Variants in CAPRIN2 observed in about 807,000 individuals in gnomAD.
The protein encoded by CAPRIN2 is caprin family member 2.
CAPRIN2 carries 66 observed loss-of-function variants against 130.4 expected under a neutral mutation model. The observed-to-expected ratio is 0.51, with a 90% CI of 0.42 to 0.62. The LOEUF is 0.62. Among genes scored for constraint, CAPRIN2 ranks in the 20% least tolerant of loss-of-function variants. The pLI is 0.00. For missense variants in CAPRIN2, 1,185 were observed against 1,246.6 expected (o/e 0.95, Z 0.74); for synonymous variants, 471 against 444.1 (o/e 1.06, Z -0.76).
At chr12:30,713,641 C>T in intron 15 of CAPRIN2, 144 bp downstream of exon 17, 1 of 492,988 alleles carries the variant, frequency 2.0e-6, no homozygotes, top group East Asian at 2.9e-5. Flanking sequence ...TCCAACTCAA[C>T]TCTTCTCCAT....
exon 1 of CAPRIN2, chr12:30,753,358 T>C: frequency 6.2e-7 from 1 of 1,604,566 alleles, no homozygotes; most frequent in Non-Finnish European, 8.5e-7. Flanking sequence ...TTTTTCTCGA[T>C]GTTTCTAATT....
intron 3 of CAPRIN2, 38 bp from the exon 5 acceptor site, chr12:30,735,244 C>CTTT (rs772725685): frequency 6.8e-7 from 1 of 1,475,534 alleles, no homozygotes; most frequent in Non-Finnish European, 9.5e-7. Flanking sequence ...TAACAATTCT[C>CTTT]TACCATCCCA....
exon 15 of CAPRIN2, chr12:30,713,850 T>C (rs1358875917): frequency 6.2e-7 from 1 of 1,610,406 alleles, no homozygotes. Flanking sequence ...TAATTTCCAT[T>C]GGAAATTGAA....
chr12:30,741,806 C>CATT (rs1205003162), intron 2 of CAPRIN2, among the ~76,000 whole-genome samples: 1 of 152,030 alleles, frequency 6.6e-6, no homozygotes, highest in African/African-American at 2.4e-5. Context: ...TCCAAGGTAT[C>CATT]TACCCAAAAG....
In CAPRIN2 at chr12:30,723,357, A is replaced by G. The variant is rs760208096; in HGVS notation, c.1988-43T>C. 4 of 1,372,844 alleles carry G rather than the reference A, an allele frequency of 2.9e-6. No individual in the cohort carries two copies. In the African/African-American group the frequency reaches 5.8e-5, roughly 20 times the overall value. 85.0% of individuals were successfully genotyped at this position (1,372,844 alleles called of 1,614,324 possible). ...AACAGTAACTACTGAGGGAAGACAA[A>G]AGCTTACGCATATCAACTAGGAGGA... On this transcript the variant is annotated intron_variant, in intron 10 of 16. Coordinates refer to ENST00000298892, the Ensembl canonical transcript of CAPRIN2.
chr12:30,712,147 G>GA (rs1200117859), intron 15 of CAPRIN2, among the ~76,000 whole-genome samples: 13 of 151,768 alleles, frequency 8.6e-5, no homozygotes, highest in African/African-American at 3.1e-4. Context: ...AATATATTAA[G>GA]AAAAAATGTT....
At chr12:30,736,114 C>T (rs1047418749) in intron 3 of CAPRIN2, among the ~76,000 whole-genome samples, 3 of 150,864 alleles carry the variant, frequency 2.0e-5, no homozygotes, top group African/African-American at 7.3e-5. Context: ...ACACTCCAGC[C>T]TGGGCAACAG....
At chr12:30,714,872 G>C in intron 14 of CAPRIN2, 87 bp downstream of exon 16, 1 of 1,065,618 alleles carries the variant, frequency 9.4e-7, no homozygotes, top group South Asian at 1.6e-5. Flanking sequence ...AATGACAAAA[G>C]GGAGCAAGGT....
intron 12 of CAPRIN2, among the ~76,000 whole-genome samples, chr12:30,716,965 C>T (rs2057787718): frequency 1.3e-5 from 2 of 152,190 alleles, no homozygotes; most frequent in African/African-American, 4.8e-5. Context: ...TGCGGAGGAA[C>T]TGGAACCCTC....
At chr12:30,746,300 G>A (rs142450691) in intron 2 of CAPRIN2, among the ~76,000 whole-genome samples, 717 of 152,326 alleles carry the variant, frequency 4.7e-3, no homozygotes, top group Middle Eastern at 0.02. Flanking sequence ...AGGAGGCTAA[G>A]AGGATCACTT....
intron 9 of CAPRIN2, 120 bp downstream of exon 10, chr12:30,725,846 A>G: frequency 1.3e-6 from 1 of 766,688 alleles, no homozygotes; most frequent in Admixed American, 3.5e-5. Flanking sequence ...AGGCTAGGAG[A>G]GCTAGGAGGC....
chr12:30,719,437 AAG>A (rs1267947122), intron 12 of CAPRIN2: 1 of 546,490 alleles, frequency 1.8e-6, no homozygotes, highest in Admixed American at 3.2e-5. Context: ...GACTAAGTGA[AAG>A]AGTCTTACCA....
In CAPRIN2 at chr12:30,736,893, C is replaced by A. The variant is rs139811060; in HGVS notation, c.571-1687G>T. On this transcript the variant is annotated intron_variant, in intron 3 of 16. Coordinates refer to ENST00000298892, the Ensembl canonical transcript of CAPRIN2. ...AACTGATTCACAGGGCATCTTCAGA[C>A]AATTATACCACATGATTATCTCAGA... Among the ~76,000 whole-genome samples the A allele has an allele frequency of 6.9e-3, 1,046 of 152,334 alleles. 13 individuals are homozygous for A. Among genetic ancestry groups the A allele is most frequent in the South Asian group, 0.054 (259 of 4,824 alleles).
chr12:30,728,788 A>C, exon 8 of CAPRIN2: 1 of 1,614,098 alleles, frequency 6.2e-7, no homozygotes, highest in East Asian at 2.2e-5. Context: ...TTGTTTTCCC[A>C]GGATTTTGGA....
At chr12:30,719,039 G>T in intron 12 of CAPRIN2, 40 bp downstream of exon 14, 1 of 1,583,164 alleles carries the variant, frequency 6.3e-7, no homozygotes, top group South Asian at 1.2e-5. Flanking sequence ...CTTTTAACAG[G>T]AATAATGAAC....
intron 2 of CAPRIN2, among the ~76,000 whole-genome samples, chr12:30,747,680 A>C (rs2071369044): frequency 6.6e-6 from 1 of 151,686 alleles, no homozygotes; most frequent in Non-Finnish European, 1.5e-5. Flanking sequence ...ACCGTCTCAA[A>C]AAAAAAAAAA....
rs112232681 is a variant in CAPRIN2 at position 30,716,152 on chromosome 12, A to G, written c.2317+356T>C. The G allele has an allele frequency of 8.0e-3, 1,713 of 214,392 alleles. 25 individuals are homozygous for G. Among genetic ancestry groups the G allele is most frequent in the African/African-American group, 0.039 (1,626 of 42,076 alleles). The allele number at this position is 214,392 out of a possible 1,614,324, so 13.3% of individuals were successfully genotyped here. A position where few individuals can be genotyped will look rare whatever the true frequency, so the allele number is the denominator to read the frequency against. On this transcript the variant is annotated intron_variant, in intron 13 of 16. Transcript: ENST00000298892. ...ATAAGATAGAAAAGGACAGATAACC[A>G]TTTGTTAAAAGGATTAACAGAATGG... is the stretch of plus-strand genomic sequence containing the variant.
At chr12:30,732,804 T>A (rs1233225358) in intron 5 of CAPRIN2, among the ~76,000 whole-genome samples, 2 of 152,086 alleles carry the variant, frequency 1.3e-5, no homozygotes, top group Non-Finnish European at 2.9e-5. Context: ...ATAAAGCTAA[T>A]ATGAACATTC....
At chr12:30,714,698 A>T (rs963523506) in intron 14 of CAPRIN2, among the ~76,000 whole-genome samples, 5 of 152,266 alleles carry the variant, frequency 3.3e-5, no homozygotes, top group African/African-American at 1.2e-4. Flanking sequence ...TTACTCAAAT[A>T]TGAAAATTCA....
Sources: allele counts gnomAD v4.1 joint callset (sites outside exome capture counted in the v4.1 genomes callset), GRCh38; gene constraint gnomAD v4.1.1; transcripts MANE v1.5; gene names NCBI Gene and HGNC (gene_info 2026-07-23, HGNC 2026-07-21).